NACC2: variants seen among roughly 807,000 people sequenced by gnomAD.
NACC2 encodes nucleus accumbens-associated protein 2.
Under a neutral mutation model 25.1 loss-of-function variants are expected in NACC2, and 8 were observed. The ratio of observed to expected loss-of-function variants is 0.32; its 90% confidence interval spans 0.19 to 0.57. The LOEUF is 0.57. Ranked by LOEUF, NACC2 falls within the 20% of genes least tolerant of loss-of-function variation. The pLI, the probability that NACC2 is intolerant of heterozygous loss-of-function variation, is 0.89. For synonymous variants in NACC2, 435 were observed against 294.7 expected, an observed-to-expected ratio of 1.48 and a Z score of -4.88; for missense variants, 644 against 650.2, an observed-to-expected ratio of 0.99 and a Z score of 0.10.
At chr9:136,073,167 C>T (rs780568662) in intron 1 of NACC2, among the ~76,000 whole-genome samples, 6 of 152,112 alleles carry the variant, frequency 3.9e-5, no homozygotes, top group Non-Finnish European at 5.9e-5. Flanking sequence ...GTGGCACGTG[C>T]TTGTAGTCTC....
At chr9:136,057,934 G>T (rs991275148) in intron 1 of NACC2, among the ~76,000 whole-genome samples, 2 of 152,110 alleles carry the variant, frequency 1.3e-5, no homozygotes, top group Admixed American at 1.3e-4. Flanking sequence ...ATTAGAGACG[G>T]CGACTTCGCG....
chr9:136,041,582 T>C (rs2131154929), intron 2 of NACC2, among the ~76,000 whole-genome samples: 1 of 152,200 alleles, frequency 6.6e-6, no homozygotes, highest in South Asian at 2.1e-4. Context: ...GACTAGTGCT[T>C]GTCTAGGGCT....
At chr9:136,045,684 G>A (rs913066321) in intron 2 of NACC2, among the ~76,000 whole-genome samples, 2 of 152,128 alleles carry the variant, frequency 1.3e-5, no homozygotes, top group Non-Finnish European at 2.9e-5. Context: ...CGACCTCAGC[G>A]GTCTGCCATG....
At chr9:136,012,147 C>T in intron 5 of NACC2, 123 bp from the exon 6 acceptor site, 1 of 1,224,976 alleles carries the variant, frequency 8.2e-7, no homozygotes, top group South Asian at 1.6e-5. Flanking sequence ...CCCATGTGAC[C>T]ACCTGGGGCT....
chr9:136,021,553 T>G (rs1207700940), intron 2 of NACC2, among the ~76,000 whole-genome samples: 2 of 152,206 alleles, frequency 1.3e-5, no homozygotes, highest in Admixed American at 6.5e-5. Context: ...GCTTGGTGGC[T>G]TCTTGTCAAG....
intron 2 of NACC2, among the ~76,000 whole-genome samples, chr9:136,028,842 G>A (rs1840434240): frequency 6.6e-6 from 1 of 152,228 alleles, no homozygotes; most frequent in African/African-American, 2.4e-5. Context: ...GAGCAAAGTT[G>A]TAGCTGAACC....
intron 1 of NACC2, among the ~76,000 whole-genome samples, chr9:136,067,376 G>A (rs564899616): frequency 3.3e-4 from 50 of 152,254 alleles, no homozygotes; most frequent in Non-Finnish European, 6.5e-4. Flanking sequence ...TTGGAGTGAT[G>A]AAGATGTTCT....
rs938624845 is a variant in NACC2 at position 136,022,422 on chromosome 9, G to A, written c.887-5993C>T. Among the ~76,000 whole-genome samples the A allele has an allele frequency of 4.6e-5, 7 of 152,310 alleles. No individual in the cohort carries two copies. Among genetic ancestry groups the A allele is most frequent in the South Asian group, 2.1e-4 (1 of 4,828 alleles). ...ACCACAACTTGCTTCCCAGCTCCCC[G>A]CCCAGGTGCCTCCTGATGGCCAGAG... On this transcript the variant is annotated intron_variant, in intron 2 of 5. Transcript: ENST00000277554. The surrounding 1 kb of genome is among the most constrained non-coding windows in gnomAD (Gnocchi z 4.4).
At chr9:136,073,003 G>A (rs1830214349) in intron 1 of NACC2, among the ~76,000 whole-genome samples, 1 of 152,096 alleles carries the variant, frequency 6.6e-6, no homozygotes, top group African/African-American at 2.4e-5. Context: ...CTGATAAACT[G>A]GACTTTATCA....
chr9:136,050,884 G>C (rs1840821990), intron 1 of NACC2, among the ~76,000 whole-genome samples: 1 of 152,180 alleles, frequency 6.6e-6, no homozygotes, highest in Non-Finnish European at 1.5e-5. Flanking sequence ...CAGCAGGCGA[G>C]GAGGAGCGCA....
chr9:136,042,303 T>C (rs1840645308), intron 2 of NACC2, among the ~76,000 whole-genome samples: 2 of 152,052 alleles, frequency 1.3e-5, no homozygotes, highest in Non-Finnish European at 2.9e-5. Context: ...CAATTTTCAA[T>C]AAGAAAATGA....
chr9:136,057,590 C>T (rs571891857), intron 1 of NACC2, among the ~76,000 whole-genome samples: 20 of 152,382 alleles, frequency 1.3e-4, no homozygotes, highest in East Asian at 3.9e-4. Flanking sequence ...GCTTGAAGAG[C>T]GTCTCCCTCG....
intron 1 of NACC2, among the ~76,000 whole-genome samples, chr9:136,075,689 T>C (rs4842099): frequency 0.88 from 134,501 of 152,254 alleles, 61,842 homozygotes; most frequent in East Asian, 1. Flanking sequence ...CTGTGCCCGG[T>C]CTTCCACACG....
chr9:136,056,546 G>A (rs1840927475), intron 1 of NACC2, among the ~76,000 whole-genome samples: 1 of 152,182 alleles, frequency 6.6e-6, no homozygotes, highest in African/African-American at 2.4e-5. Context: ...ACAGACCCCG[G>A]GTAGCTACGA....
chr9:136,078,286 A>T (rs1830283980), intron 1 of NACC2, among the ~76,000 whole-genome samples: 1 of 152,136 alleles, frequency 6.6e-6, no homozygotes, highest in Non-Finnish European at 1.5e-5. Flanking sequence ...AGGCCAGAAG[A>T]CGCCAGAATT....
At chr9:136,025,331 C>T (rs1208616649) in intron 2 of NACC2, among the ~76,000 whole-genome samples, 1 of 152,114 alleles carries the variant, frequency 6.6e-6, no homozygotes, top group Non-Finnish European at 1.5e-5. Context: ...ACACGATGTC[C>T]GGCCGTCCAT....
intron 1 of NACC2, among the ~76,000 whole-genome samples, chr9:136,058,476 T>C (rs912428386): frequency 1.3e-5 from 2 of 152,196 alleles, no homozygotes; most frequent in African/African-American, 4.8e-5. Context: ...TATTTTACCC[T>C]CTGGACATTC....
intron 1 of NACC2, among the ~76,000 whole-genome samples, chr9:136,067,422 T>A (rs1841098366): frequency 1.3e-5 from 2 of 152,236 alleles, no homozygotes; most frequent in Admixed American, 1.3e-4. Flanking sequence ...TAACTCTGAA[T>A]ACAGACGTGT....
At chr9:136,062,982 G>A (rs1228369010) in intron 1 of NACC2, among the ~76,000 whole-genome samples, 3 of 152,204 alleles carry the variant, frequency 2.0e-5, no homozygotes, top group Non-Finnish European at 4.4e-5. Context: ...TACATGGCCT[G>A]TGCTCAACCC....
Sources: allele counts gnomAD v4.1 joint callset (sites outside exome capture counted in the v4.1 genomes callset), GRCh38; gene constraint gnomAD v4.1.1; non-coding constraint Gnocchi (gnomAD v3.1); transcripts MANE v1.5; gene names NCBI Gene and HGNC (gene_info 2026-07-23, HGNC 2026-07-21).